ANKRD6: variants seen among roughly 807,000 people sequenced by gnomAD.
ANKRD6 encodes the protein ankyrin repeat domain 6.
In ANKRD6, 56 loss-of-function variants were observed where a neutral mutation model predicts 82.3. The ratio of observed to expected loss-of-function variants is 0.68; its 90% CI spans 0.55 to 0.85. The LOEUF (loss-of-function observed/expected upper bound fraction) is 0.85. Among genes scored for constraint, ANKRD6 ranks in the 40% least tolerant of loss-of-function variants. The pLI, the probability that ANKRD6 is intolerant of heterozygous loss-of-function variation, is 0.00. For synonymous variants in ANKRD6, 347 were observed against 352.1 expected, an observed-to-expected ratio of 0.99 and a Z score of 0.16; for missense variants, 852 against 907.6, an observed-to-expected ratio of 0.94 and a Z score of 0.79.
intron 2 of ANKRD6, among the ~76,000 whole-genome samples, chr6:89,572,297 G>A (rs1790099266): frequency 6.6e-6 from 1 of 152,210 alleles, no homozygotes; most frequent in Admixed American, 6.5e-5. Flanking sequence ...ACCAAGGAGT[G>A]CAGTTGCTGG....
At chr6:89,499,769 A>G (rs1271190420) in intron 1 of ANKRD6, among the ~76,000 whole-genome samples, 1 of 152,106 alleles carries the variant, frequency 6.6e-6, no homozygotes, top group Non-Finnish European at 1.5e-5. Context: ...GACTTGGACA[A>G]CCTAAACACC....
chr6:89,498,793 G>T (rs1463239077), intron 1 of ANKRD6, among the ~76,000 whole-genome samples: 1 of 152,186 alleles, frequency 6.6e-6, no homozygotes, highest in Non-Finnish European at 1.5e-5. Context: ...TAAGCAAGGA[G>T]AAATAAGCTC....
intron 1 of ANKRD6, among the ~76,000 whole-genome samples, chr6:89,440,549 C>A (rs1378753411): frequency 6.6e-6 from 1 of 152,150 alleles, no homozygotes. Flanking sequence ...ATCCACTTCT[C>A]AGTTGCCTTC....
chr6:89,465,049 G>A (rs1167400166), intron 1 of ANKRD6, among the ~76,000 whole-genome samples: 1 of 151,878 alleles, frequency 6.6e-6, no homozygotes, highest in East Asian at 1.9e-4. Flanking sequence ...GAAAATTCTG[G>A]CCCACTTAGA....
intron 14 of ANKRD6, chr6:89,628,818 TACTA>T (rs1474341650): frequency 2.9e-6 from 1 of 344,666 alleles, no homozygotes; most frequent in African/African-American, 2.1e-5. Context: ...AGCAAGAACT[TACTA>T]ACCGTGAGGA....
At chr6:89,598,844 G>T (rs1796450245) in intron 3 of ANKRD6, among the ~76,000 whole-genome samples, 1 of 152,122 alleles carries the variant, frequency 6.6e-6, no homozygotes, top group South Asian at 2.1e-4. Flanking sequence ...CAGCTCTAGT[G>T]GCTATGCTTT....
intron 1 of ANKRD6, among the ~76,000 whole-genome samples, chr6:89,452,035 A>G (rs1772891344): frequency 6.6e-6 from 1 of 152,078 alleles, no homozygotes; most frequent in Non-Finnish European, 1.5e-5. Flanking sequence ...TCTCAGCACC[A>G]CTAACAAAAT....
intron 2 of ANKRD6, among the ~76,000 whole-genome samples, chr6:89,589,345 C>T (rs1794426684): frequency 1.3e-5 from 2 of 152,214 alleles, no homozygotes; most frequent in South Asian, 2.1e-4. Context: ...GGTTCGCCTC[C>T]TTCCGAGGGT....
rs919045079 is a variant in ANKRD6, at chr6:89,525,571, A to G, written c.-143-41263A>G. Among the ~76,000 whole-genome samples, 46 of 152,212 alleles carry G rather than the reference A, an allele frequency of 3.0e-4. 1 individual carries two copies. Among genetic ancestry groups the G allele is most frequent in the Non-Finnish European group, 5.6e-4 (38 of 68,022 alleles). ...AAACCAGGAAGAGATAGCCTCTGGC[A>G]TGGACCAAAGGTGTTCTCTTTTTGC... On this transcript the variant is annotated intron_variant, in intron 1 of 15. Coordinates refer to ENST00000339746, the MANE Select transcript of ANKRD6 (RefSeq NM_001242809.2).
In ANKRD6 at chr6:89,617,094, C is replaced by A. The variant is rs558510868; in HGVS notation, c.714+437C>A. On this transcript the variant is annotated intron_variant, in intron 8 of 15. Transcript: ENST00000339746. The stretch of plus-strand genomic sequence containing the variant: ...CTCACTGTTTCCCTTTCCCTCTCCC[C>A]CTCTCACTGTGTGTCCTGCAGATCC... 10 of 379,884 alleles carry A rather than the reference C, an allele frequency of 2.6e-5. No homozygotes were observed. In the Admixed American group the frequency reaches 3.1e-4, roughly 12 times the overall value. The allele number at this position is 379,884 out of a possible 1,614,324, so 23.5% of individuals were successfully genotyped here. A position where few individuals can be genotyped will look rare whatever the true frequency, so the allele number is the denominator to read the frequency against.
At chr6:89,607,458 TATAAG>T (rs1798994753) in intron 5 of ANKRD6, among the ~76,000 whole-genome samples, 1 of 152,162 alleles carries the variant, frequency 6.6e-6, no homozygotes, top group Non-Finnish European at 1.5e-5. Flanking sequence ...CACAAAGAGA[TATAAG>T]ATCATATATA....
At chr6:89,560,410 C>T (rs1314418822) in intron 1 of ANKRD6, among the ~76,000 whole-genome samples, 1 of 152,174 alleles carries the variant, frequency 6.6e-6, no homozygotes, top group Non-Finnish European at 1.5e-5. Flanking sequence ...CAGGGCTCCA[C>T]CTTTATGACC....
chr6:89,513,361 TC>T (rs1012418699), intron 1 of ANKRD6, among the ~76,000 whole-genome samples: 1 of 152,120 alleles, frequency 6.6e-6, no homozygotes, highest in South Asian at 2.1e-4. Context: ...ATTTCCAGTA[TC>T]CCCCCTCCCA....
intron 1 of ANKRD6, among the ~76,000 whole-genome samples, chr6:89,531,701 A>T (rs1783166860): frequency 6.6e-6 from 1 of 152,192 alleles, no homozygotes; most frequent in Non-Finnish European, 1.5e-5. Flanking sequence ...CTTATATCCC[A>T]TGACTTACCT....
chr6:89,459,602 T>A (rs567168371), intron 1 of ANKRD6, among the ~76,000 whole-genome samples: 2 of 152,318 alleles, frequency 1.3e-5, no homozygotes, highest in East Asian at 3.9e-4. Flanking sequence ...TGGGCTCAAG[T>A]GATCCTCCTG....
intron 1 of ANKRD6, among the ~76,000 whole-genome samples, chr6:89,536,770 G>T (rs1783890842): frequency 6.6e-6 from 1 of 152,196 alleles, no homozygotes. Context: ...TTTCTGTTCT[G>T]CTCTAGGACA....
At chr6:89,536,349 C>T (rs758243730) in intron 1 of ANKRD6, among the ~76,000 whole-genome samples, 9 of 152,212 alleles carry the variant, frequency 5.9e-5, no homozygotes, top group African/African-American at 2.2e-4. Flanking sequence ...GGTTTCCAGG[C>T]GGGCTGCCTC....
At chr6:89,502,009 A>G (rs143526346) in intron 1 of ANKRD6, among the ~76,000 whole-genome samples, 1 of 152,200 alleles carries the variant, frequency 6.6e-6, no homozygotes, top group Admixed American at 6.5e-5. Context: ...GCTGCTGCAG[A>G]TGATTAACAC....
At chr6:89,596,465 T>C (rs1217073880) in intron 3 of ANKRD6, among the ~76,000 whole-genome samples, 2 of 152,184 alleles carry the variant, frequency 1.3e-5, no homozygotes, top group African/African-American at 2.4e-5. Context: ...TAATTTCTCT[T>C]GGTCAGTGAA....
Sources: gnomAD v4.1 joint callset for allele counts (sites outside exome capture counted in the v4.1 genomes callset) on GRCh38, gnomAD v4.1.1 for gene constraint, MANE v1.5 for transcripts, NCBI Gene and HGNC (gene_info 2026-07-23, HGNC 2026-07-21) for gene names.